The following ADAMTS2 variants were observed in gnomAD, a reference collection of about 807,000 sequenced individuals.
The protein encoded by ADAMTS2 is ADAM metallopeptidase with thrombospondin type 1 motif 2.
Under a neutral mutation model 123.0 loss-of-function variants are expected in ADAMTS2, and 50 were observed. The observed-to-expected ratio is 0.41, with a 90% CI of 0.32 to 0.51. ADAMTS2 has a LOEUF of 0.51. ADAMTS2 is among the 20% of genes least tolerant of loss of function. ADAMTS2 has a pLI of 0.35. For synonymous variants in ADAMTS2, 678 were observed against 695.4 expected, an observed-to-expected ratio of 0.98 and a Z score of 0.39; for missense variants, 1,494 against 1,705.2, an observed-to-expected ratio of 0.88 and a Z score of 2.18.
chr5:179,285,636 G>A lies in ADAMTS2; in HGVS notation c.535-12572C>T, dbSNP rs1307859246. 6.6e-6 allele frequency among the ~76,000 whole-genome samples: 1 copy of A among 152,164 alleles called. No homozygotes were observed. Among genetic ancestry groups the A allele is most frequent in the Non-Finnish European group, 1.5e-5 (1 of 68,028 alleles). On this transcript the variant is annotated intron_variant, in intron 2 of 21. Transcript: ENST00000251582. This position sits in a 1 kb window ranked among gnomAD's most constrained non-coding sequence, Gnocchi z 4.9. ...CTATTTGTGACGAGAACTGACACTC[G>A]TCCCGGCCAGATTCTCTGGCTGACA...
At chr5:179,267,989 C>T (rs1356328781) in intron 3 of ADAMTS2, among the ~76,000 whole-genome samples, 1 of 152,226 alleles carries the variant, frequency 6.6e-6, no homozygotes, top group Non-Finnish European at 1.5e-5. Context: ...CAGCTGTTGC[C>T]GACTCACTGA....
intron 2 of ADAMTS2, among the ~76,000 whole-genome samples, chr5:179,279,031 T>C (rs1766820237): frequency 6.6e-6 from 1 of 152,098 alleles, no homozygotes; most frequent in Admixed American, 6.6e-5. Context: ...AACACAAGCA[T>C]GCATCCTGTT....
chr5:179,198,704 C>T (rs571858276), intron 4 of ADAMTS2, among the ~76,000 whole-genome samples: 26 of 152,280 alleles, frequency 1.7e-4, no homozygotes, highest in Middle Eastern at 3.4e-3. Flanking sequence ...CATGGCGGCA[C>T]GTGCCAGTAG....
chr5:179,325,279 C>T (rs1351918018), intron 2 of ADAMTS2, among the ~76,000 whole-genome samples: 1 of 152,170 alleles, frequency 6.6e-6, no homozygotes, highest in African/African-American at 2.4e-5. Context: ...GTGCTTTACC[C>T]TCAAAGTGGA....
rs776232810 is a variant in ADAMTS2, at chr5:179,162,354, T to C, written c.976-3475A>G. Among the ~76,000 whole-genome samples, 2 of 151,724 alleles carry C rather than the reference T, an allele frequency of 1.3e-5. No homozygotes were observed. The highest frequency in any genetic ancestry group is 2.9e-5 in the Non-Finnish European group (2 of 67,902). The stretch of plus-strand genomic sequence containing the variant: ...AAAGCGGGCCAAGGAGTAGGCAAGG[T>C]GTGAGGTGGGGGGCCTGCAGCGGCT... On this transcript the variant is annotated intron_variant, in intron 5 of 21. Coordinates refer to ENST00000251582, the MANE Select transcript of ADAMTS2 (RefSeq NM_014244.5). The surrounding 1 kb of genome is among the most constrained non-coding windows in gnomAD (Gnocchi z 5.1).
chr5:179,330,131 T>C (rs1581282936), intron 2 of ADAMTS2, among the ~76,000 whole-genome samples: 1 of 43,558 alleles, frequency 2.3e-5, no homozygotes, highest in Non-Finnish European at 4.6e-5. Context: ...AGACTCCGTC[T>C]CAAAAAAAAA....
Position 179,137,848 on chromosome 5 carries a change from C to G in ADAMTS2, c.1872G>C (p.Glu624Asp). 1.3e-6 allele frequency: 2 copies of G among 1,568,112 alleles called. No homozygotes were observed. Among genetic ancestry groups the G allele is most frequent in the Non-Finnish European group, 1.7e-6 (2 of 1,157,926 alleles). The change falls in exon 12 of 22, where the codon GAG becomes GAC. Residue 624 changes from glutamate (E) to aspartate (D), a missense_variant. Glu to Asp is a conservative substitution (Grantham distance 45). Around this residue, in one of 6 missense-constraint regions of ADAMTS2, gnomAD observed 953 missense variants for 1,124.7 expected, o/e 0.85. Transcript: ENST00000251582. ...DCPDSLADFR[E>D]EQCRQWDLYF... Reference sequence around the variant, plus strand: ...ACAGGTCCCACTGGCGGCACTGCTCCTCGCGGAAGTCAGCCAGGGAGTCGG... The same window carrying G: ...ACAGGTCCCACTGGCGGCACTGCTCGTCGCGGAAGTCAGCCAGGGAGTCGG...
At chr5:179,316,781 A>T (rs1407479771) in intron 2 of ADAMTS2, among the ~76,000 whole-genome samples, 1 of 152,170 alleles carries the variant, frequency 6.6e-6, no homozygotes, top group Non-Finnish European at 1.5e-5. Context: ...TACAAAAAAT[A>T]AATTTAAAAA....
intron 2 of ADAMTS2, among the ~76,000 whole-genome samples, chr5:179,324,645 C>G (rs1217261697): frequency 6.6e-6 from 1 of 152,202 alleles, no homozygotes; most frequent in Non-Finnish European, 1.5e-5. Flanking sequence ...CCTGCCTTGG[C>G]CTCCCAAAGT....
At position 179,139,895 on chromosome 5, in the gene ADAMTS2, G is replaced by T; in HGVS notation, c.1770C>A (p.Asn590Lys). The change falls in exon 11 of 22, where the codon AAC becomes AAA. Residue 590 changes from asparagine (N) to lysine (K), a missense_variant. By Grantham distance (94) the Asn-to-Lys change is moderately conservative (BLOSUM62 0). Coordinates refer to ENST00000251582, the MANE Select transcript of ADAMTS2 (RefSeq NM_014244.5). ...GGGACATGGGGCCAACTCACTGTGG[G>T]TTGTCACACTGGCGGGTCCTGAACT... Reference protein sequence around the residue: ...GVKFRTRQCDNPHPANGGRTC... With the variant: ...GVKFRTRQCDKPHPANGGRTC... 1 of 1,612,462 alleles carries T rather than the reference G, an allele frequency of 6.2e-7. No individual in the cohort carries two copies. Among genetic ancestry groups the T allele is most frequent in the Non-Finnish European group, 8.5e-7 (1 of 1,179,978 alleles).
intron 2 of ADAMTS2, among the ~76,000 whole-genome samples, chr5:179,298,544 T>C (rs1477987534): frequency 3.3e-5 from 5 of 152,182 alleles, no homozygotes. Flanking sequence ...CTGTTGTTTC[T>C]AAACACCCAG....
chr5:179,238,243 C>T lies in ADAMTS2; in HGVS notation c.689-30528G>A, dbSNP rs1765576469. Among the ~76,000 whole-genome samples, 3 of 152,230 alleles carry T rather than the reference C, an allele frequency of 2.0e-5. No homozygotes were observed. In the South Asian group the frequency reaches 6.2e-4, roughly 32 times the overall value. The stretch of plus-strand genomic sequence containing the variant: ...GCAGCAGGTGGAACCGCAGACGTCT[C>T]TCCAGGGAGCTGAGTCCCGGTTTTC... On this transcript the variant is annotated intron_variant, in intron 3 of 21. Coordinates refer to ENST00000251582, the MANE Select transcript of ADAMTS2 (RefSeq NM_014244.5).
rs1413829992 is a variant in ADAMTS2 at position 179,285,386 on chromosome 5, G to A, written c.535-12322C>T. On this transcript the variant is annotated intron_variant, in intron 2 of 21. Transcript: ENST00000251582. The surrounding 1 kb of genome is among the most constrained non-coding windows in gnomAD (Gnocchi z 4.9). ...ACGGGGCCAGCGCAGGGGCCAGCCA[G>A]GCGGCCTTCTGCTAAATCAAGCAAC... Among the ~76,000 whole-genome samples the A allele has an allele frequency of 6.6e-6, 1 of 152,234 alleles. No individual in the cohort carries two copies. The highest frequency in any genetic ancestry group is 6.5e-5 in the Admixed American group (1 of 15,274).
Position 179,217,836 on chromosome 5 carries a change from A to AAGGGGGG in ADAMTS2, c.689-10122_689-10121insCCCCCCT, listed in dbSNP as rs1561811359. ...ACTCACTAGGGGATGGCCTGAGGGCAGACAGGCACACTCACTAGGTAGGGG... is the reference window on the plus strand; with the variant it reads ...ACTCACTAGGGGATGGCCTGAGGGCAAGGGGGGGACAGGCACACTCACTAGGTAGGGG... On this transcript the variant is annotated intron_variant, in intron 3 of 21. Transcript: ENST00000251582. 3.0e-3 allele frequency among the ~76,000 whole-genome samples: 256 copies of AAGGGGGG among 86,150 alleles called. 2 individuals are homozygous for AAGGGGGG. The highest frequency in any genetic ancestry group is 0.011 in the African/African-American group (236 of 21,128). 56.5% of individuals were successfully genotyped at this position (86,150 alleles called of 152,430 possible).
Position 179,154,181 on chromosome 5 carries a change from T to C in ADAMTS2, c.1250A>G (p.Glu417Gly). ...AHETGHVLGM[E>G]HDGQGNRCGD... ...ACAGCGGTTGCCCTGCCCGTCGTGC[T>C]CCATGCCCAGCCTGCGAGGGCCGAG... is the stretch of plus-strand genomic sequence containing the variant. The change falls in exon 8 of 22, where the codon GAG (glutamate) becomes GGG (glycine). Residue 417 changes from glutamate to glycine, a missense_variant. Transcript: ENST00000251582. 6.4e-7 allele frequency: 1 copy of C among 1,559,148 alleles called. No individual in the cohort carries two copies. The highest frequency in any genetic ancestry group is 8.6e-7 in the Non-Finnish European group (1 of 1,159,440).
chr5:179,231,402 TC>T (rs1352899807), intron 3 of ADAMTS2, among the ~76,000 whole-genome samples: 3 of 152,064 alleles, frequency 2.0e-5, no homozygotes, highest in Non-Finnish European at 4.4e-5. Context: ...AAGTGTTCTT[TC>T]CACAAAAGCA....
rs926252542 is a variant in ADAMTS2 at position 179,307,128 on chromosome 5, G to A, written c.535-34064C>T. 2.6e-5 allele frequency among the ~76,000 whole-genome samples: 4 copies of A among 152,192 alleles called. No individual in the cohort carries two copies. Among genetic ancestry groups the A allele is most frequent in the East Asian group, 3.9e-4 (2 of 5,190 alleles). On this transcript the variant is annotated intron_variant, in intron 2 of 21. Coordinates refer to ENST00000251582, the MANE Select transcript of ADAMTS2 (RefSeq NM_014244.5). The surrounding 1 kb of genome is among the most constrained non-coding windows in gnomAD (Gnocchi z 5.6). The stretch of plus-strand genomic sequence containing the variant: ...GTCAGTGGCCAGCCAGCCTAAGCCC[G>A]GCCCAGACCCTCGCCCTGCTAGCAT...
In ADAMTS2 at chr5:179,226,111, G is replaced by A. The variant is rs1765277740; in HGVS notation, c.689-18396C>T. ...AAGCCACACCCCCATAGCACGCCCT[G>A]CGAGGAGGACAAGAGAACTTCTCTC... On this transcript the variant is annotated intron_variant, in intron 3 of 21. Coordinates refer to ENST00000251582, the MANE Select transcript of ADAMTS2 (RefSeq NM_014244.5). Among the ~76,000 whole-genome samples, 3 of 152,340 alleles carry A rather than the reference G, an allele frequency of 2.0e-5. No individual in the cohort carries two copies. The South Asian group carries it at 6.2e-4, about 32-fold the overall frequency.
chr5:179,245,482 G>A (rs11746596), intron 3 of ADAMTS2, among the ~76,000 whole-genome samples: 54,832 of 151,652 alleles, frequency 0.36, 10,633 homozygotes, highest in African/African-American at 0.48. Context: ...AAAGATGGGG[G>A]TGGGCCGGGC....
Sources: allele counts gnomAD v4.1 joint callset (sites outside exome capture counted in the v4.1 genomes callset), GRCh38; gene constraint gnomAD v4.1.1; regional missense constraint gnomAD v4.1.1; non-coding constraint Gnocchi (gnomAD v3.1); transcripts MANE v1.5; gene names NCBI Gene and HGNC (gene_info 2026-07-23, HGNC 2026-07-21).